Variants in SLC35F4 observed in about 807,000 individuals in gnomAD.
SLC35F4 encodes chromosome 14 open reading frame 36.
Under a neutral mutation model 44.2 loss-of-function variants are expected in SLC35F4, and 24 were observed. That is an observed-to-expected ratio of 0.54 (90% CI 0.39 to 0.76). The LOEUF (loss-of-function observed/expected upper bound fraction) is 0.76. Ranked by LOEUF, SLC35F4 falls within the 30% of genes least tolerant of loss-of-function variation. SLC35F4 has a pLI of 0.00. For synonymous variants in SLC35F4, 238 were observed against 223.6 expected (o/e 1.06, Z -0.57); for missense variants, 562 against 586.1 (o/e 0.96, Z 0.42).
chr14:57,828,466 G>C (rs2140929699), intron 1 of SLC35F4, among the ~76,000 whole-genome samples: 1 of 152,214 alleles, frequency 6.6e-6, no homozygotes, highest in East Asian at 1.9e-4. Flanking sequence ...TTCAGGGTGG[G>C]AATTTAAAAA....
At chr14:57,613,018 T>C (rs1407440012) in intron 1 of SLC35F4, among the ~76,000 whole-genome samples, 2 of 152,182 alleles carry the variant, frequency 1.3e-5, no homozygotes, top group Non-Finnish European at 2.9e-5. Context: ...AACTTTTAGA[T>C]CTTTCATGAG....
At chr14:57,765,559 T>C (rs1717051099) in intron 1 of SLC35F4, among the ~76,000 whole-genome samples, 1 of 152,252 alleles carries the variant, frequency 6.6e-6, no homozygotes, top group Admixed American at 6.5e-5. Flanking sequence ...TTTGATTAAA[T>C]GCCTACAAAA....
At chr14:57,842,973 C>A (rs1885636630) in intron 1 of SLC35F4, among the ~76,000 whole-genome samples, 1 of 152,188 alleles carries the variant, frequency 6.6e-6, no homozygotes, top group African/African-American at 2.4e-5. Flanking sequence ...ATCTTCCACT[C>A]ATGCTGGATG....
chr14:57,634,157 G>C (rs1267127751), intron 1 of SLC35F4, among the ~76,000 whole-genome samples: 4 of 152,128 alleles, frequency 2.6e-5, no homozygotes, highest in Admixed American at 6.6e-5. Flanking sequence ...TAGGCTCTGG[G>C]ATAAAACGGG....
At chr14:57,917,427 T>C (rs1235867214) in intron 1 of SLC35F4, among the ~76,000 whole-genome samples, 1 of 152,186 alleles carries the variant, frequency 6.6e-6, no homozygotes, top group African/African-American at 2.4e-5. Flanking sequence ...TTTTAGCATA[T>C]TAATCACAGT....
At position 57,692,047 on chromosome 14, in the gene SLC35F4, A is replaced by G. The variant is rs139874348; in HGVS notation, c.104-97923T>C. Among the ~76,000 whole-genome samples, 6 of 152,328 alleles carry G rather than the reference A, an allele frequency of 3.9e-5. No individual in the cohort carries two copies. In the East Asian group the frequency reaches 1.2e-3, roughly 29 times the overall value. The stretch of plus-strand genomic sequence containing the variant: ...GGTGAAATAGGAGGTAAGACTGGAA[A>G]ACTAGATTGTGATGAGATCATGATA... On this transcript the variant is annotated intron_variant, in intron 1 of 7. Transcript: ENST00000556826.
chr14:57,585,456 A>G (rs1289892122), intron 3 of SLC35F4, among the ~76,000 whole-genome samples: 34 of 152,078 alleles, frequency 2.2e-4, no homozygotes, highest in Admixed American at 2.2e-3. Flanking sequence ...ATCTCTTACC[A>G]CTCCTATTCA....
rs767674329 is a variant in SLC35F4 at position 57,669,526 on chromosome 14, A to AT, written c.104-75403dup. 1.3e-3 allele frequency among the ~76,000 whole-genome samples: 195 copies of AT among 152,164 alleles called. 1 individual carries two copies. The highest frequency in any genetic ancestry group is 4.1e-3 in the African/African-American group (170 of 41,456). On this transcript the variant is annotated intron_variant, in intron 1 of 7. Transcript: ENST00000556826. ...TCCCATCAATACCTAATTTATTGAG[A>AT]TTTTTTAGCATGAAGGGCAGTTGAA...
rs1482298857 is a variant in SLC35F4, at chr14:57,608,786, CCGG to C, written c.104-14665_104-14663del. On this transcript the variant is annotated intron_variant, in intron 1 of 7. Coordinates refer to ENST00000556826, the MANE Select transcript of SLC35F4 (RefSeq NM_001306087.2). ...AAAAGAAAAGCAGCCCAAAAGATGG[CCGG>C]GGGGGGGCGGCGGGGGGAGAGAAAC... Among the ~76,000 whole-genome samples, 68 of 14,670 alleles carry C rather than the reference CCGG, an allele frequency of 4.6e-3. 3 individuals carry two copies. Among genetic ancestry groups the C allele is most frequent in the African/African-American group, 8.4e-3 (66 of 7,902 alleles). The allele number at this position is 14,670 out of a possible 152,430, so 9.6% of individuals were successfully genotyped here. A position where few individuals can be genotyped will look rare whatever the true frequency, so the allele number is the denominator to read the frequency against.
chr14:57,722,441 C>G (rs746356817), intron 1 of SLC35F4, among the ~76,000 whole-genome samples: 3 of 152,154 alleles, frequency 2.0e-5, no homozygotes, highest in Admixed American at 6.5e-5. Context: ...CACCCTTGAC[C>G]AATGCCTTGC....
Position 57,572,016 on chromosome 14 carries a change from C to T in SLC35F4, c.811G>A (p.Val271Ile). ...LKDRFMGVRIVAAIMAITGIV... is the reference protein window; with the variant it reads ...LKDRFMGVRIIAAIMAITGIV... Reference sequence around the variant, plus strand: ...CCGGTAATTGCCATTATTGCAGCAACTATCTGTCAAATAGGATGCAAAGAA... The same window carrying T: ...CCGGTAATTGCCATTATTGCAGCAATTATCTGTCAAATAGGATGCAAAGAA... The change falls in exon 5 of 8, where the codon GTT becomes ATT. Residue 271 changes from valine to isoleucine, a missense_variant. By Grantham distance (29) the Val-to-Ile change is conservative. Transcript: ENST00000556826. The T allele has an allele frequency of 5.6e-6, 9 of 1,609,064 alleles. No individual in the cohort carries two copies. Among genetic ancestry groups the T allele is most frequent in the Non-Finnish European group, 7.6e-6 (9 of 1,177,452 alleles).
At chr14:57,898,404 G>T (rs4575458) in intron 1 of SLC35F4, among the ~76,000 whole-genome samples, 2 of 152,244 alleles carry the variant, frequency 1.3e-5, no homozygotes, top group South Asian at 4.1e-4. Context: ...GTTTAAGAAA[G>T]GTGGTATTGG....
At chr14:57,901,106 G>C (rs1428570978) in intron 1 of SLC35F4, among the ~76,000 whole-genome samples, 1 of 152,222 alleles carries the variant, frequency 6.6e-6, no homozygotes, top group Admixed American at 6.5e-5. Flanking sequence ...GTGGAAGACA[G>C]TGTGGCGATT....
intron 1 of SLC35F4, among the ~76,000 whole-genome samples, chr14:57,657,644 T>A (rs1030194398): frequency 3.3e-5 from 5 of 152,150 alleles, no homozygotes; most frequent in Admixed American, 6.5e-5. Context: ...AGAAAGTTTA[T>A]ACTATGAGGT....
chr14:57,679,898 A>G (rs1030624962), intron 1 of SLC35F4, among the ~76,000 whole-genome samples: 19 of 152,074 alleles, frequency 1.2e-4, no homozygotes, highest in African/African-American at 4.6e-4. Context: ...TACCAACCAA[A>G]AAAAGCCCAG....
chr14:57,916,610 A>G (rs571400816), intron 1 of SLC35F4, among the ~76,000 whole-genome samples: 2 of 152,284 alleles, frequency 1.3e-5, no homozygotes, highest in South Asian at 4.1e-4. Context: ...TATTCCCATC[A>G]TGCATATGTT....
intron 2 of SLC35F4, 128 bp from the exon 3 acceptor site, chr14:57,589,641 T>C: frequency 2.0e-6 from 2 of 1,023,568 alleles, no homozygotes; most frequent in Non-Finnish European, 2.8e-6. Context: ...TGTTTTTCTT[T>C]TCTACCATCA....
At chr14:57,631,256 C>T (rs2072756228) in intron 1 of SLC35F4, 1 of 152,008 alleles carries the variant, frequency 6.6e-6, no homozygotes, top group African/African-American at 2.4e-5. Context: ...ATAGTATTTT[C>T]AGGGAGACTG....
intron 1 of SLC35F4, among the ~76,000 whole-genome samples, chr14:57,837,868 A>C (rs73291460): frequency 0.081 from 12,397 of 152,232 alleles, 1,056 homozygotes; most frequent in African/African-American, 0.22. Flanking sequence ...TCCCCAATAC[A>C]CATACATTCA....
Sources: allele counts gnomAD v4.1 joint callset (sites outside exome capture counted in the v4.1 genomes callset), GRCh38; gene constraint gnomAD v4.1.1; transcripts MANE v1.5; gene names NCBI Gene and HGNC (gene_info 2026-07-23, HGNC 2026-07-21).